BABAM2: variants seen among roughly 807,000 people sequenced by gnomAD.
BABAM2 encodes the protein BRISC and BRCA1 A complex member 2.
In BABAM2, 31 loss-of-function variants were observed where a neutral mutation model predicts 54.7. The observed-to-expected ratio is 0.57, with a 90% CI of 0.43 to 0.77. The LOEUF (loss-of-function observed/expected upper bound fraction) is 0.77, where lower values mean the gene tolerates loss of function less well. Among genes scored for constraint, BABAM2 ranks in the 30% least tolerant of loss-of-function variants. The pLI, the probability that BABAM2 is intolerant of heterozygous loss-of-function variation, is 0.00. For synonymous variants in BABAM2, 167 were observed against 162.9 expected (o/e 1.03, Z -0.19); for missense variants, 364 against 455.8 (o/e 0.80, Z 1.83).
At chr2:28,057,456 A>G (rs1259131632) in intron 6 of BABAM2, among the ~76,000 whole-genome samples, 1 of 152,114 alleles carries the variant, frequency 6.6e-6, no homozygotes, top group African/African-American at 2.4e-5. Flanking sequence ...GCACAGTGAG[A>G]CTAACAGGAA....
intron 11 of BABAM2, chr2:28,308,327 G>C (rs1688743771): frequency 2.2e-6 from 1 of 458,412 alleles, no homozygotes; most frequent in Non-Finnish European, 4.3e-6. Flanking sequence ...GGCTCTGCAG[G>C]CAGCAGAAAT....
chr2:28,229,694 T>A (rs1043544183), intron 7 of BABAM2, among the ~76,000 whole-genome samples: 2 of 151,890 alleles, frequency 1.3e-5, no homozygotes, highest in Admixed American at 1.3e-4. Flanking sequence ...AAGTGATTCT[T>A]CTGCCTCAGC....
intron 3 of BABAM2, among the ~76,000 whole-genome samples, chr2:27,983,396 G>T (rs1672159021): frequency 6.6e-6 from 1 of 152,006 alleles, no homozygotes; most frequent in Non-Finnish European, 1.5e-5. Flanking sequence ...TTTTATAATT[G>T]AGAACGCCTG....
chr2:28,128,434 G>A (rs1669759137), intron 6 of BABAM2, among the ~76,000 whole-genome samples: 1 of 152,174 alleles, frequency 6.6e-6, no homozygotes, highest in South Asian at 2.1e-4. Context: ...GCAGACACTT[G>A]GTGCTTGGCA....
intron 11 of BABAM2, chr2:28,327,276 G>A (rs370258733): frequency 6.2e-7 from 1 of 1,600,316 alleles, no homozygotes; most frequent in African/African-American, 1.3e-5. Context: ...TGCACCAGGG[G>A]ATGCCAAGGG....
chr2:28,000,007 A>G (rs535645725), intron 4 of BABAM2, among the ~76,000 whole-genome samples: 3 of 152,286 alleles, frequency 2.0e-5, no homozygotes, highest in East Asian at 1.9e-4. Context: ...TTTTAGATTT[A>G]TAGAATTGCT....
intron 4 of BABAM2, among the ~76,000 whole-genome samples, chr2:28,016,996 G>A (rs1048988350): frequency 6.6e-6 from 1 of 152,182 alleles, no homozygotes; most frequent in Non-Finnish European, 1.5e-5. Context: ...AGAAGGAGTA[G>A]ACTTGCTCTG....
chr2:28,117,031 T>C (rs1449791357), intron 6 of BABAM2, among the ~76,000 whole-genome samples: 19 of 152,202 alleles, frequency 1.2e-4, no homozygotes, highest in Admixed American at 1.2e-3. Context: ...TTTTCCTTCA[T>C]TGATTGAAGA....
intron 2 of BABAM2, among the ~76,000 whole-genome samples, chr2:27,905,802 G>A (rs1666148693): frequency 6.6e-6 from 1 of 152,170 alleles, no homozygotes; most frequent in South Asian, 2.1e-4. Flanking sequence ...TTTTGATTCT[G>A]AGACAGCCTT....
Position 27,983,778 on chromosome 2 carries a change from G to A in BABAM2, c.206-4215G>A, listed in dbSNP as rs1016671268. Among the ~76,000 whole-genome samples the A allele has an allele frequency of 4.6e-5, 7 of 151,998 alleles. No individual in the cohort carries two copies. The South Asian group carries it at 6.2e-4, about 14-fold the overall frequency. On this transcript the variant is annotated intron_variant, in intron 3 of 11. Transcript: ENST00000379624. ...TCGTTAATTACTGTTGTACAGAAAT[G>A]CGGTTGATTTTTGTACATTTATCTT...
chr2:28,219,282 T>C (rs918501707), intron 7 of BABAM2, among the ~76,000 whole-genome samples: 1 of 152,244 alleles, frequency 6.6e-6, no homozygotes, highest in Non-Finnish European at 1.5e-5. Flanking sequence ...GCTGTCCTTA[T>C]TTGGCTCATA....
At chr2:28,019,812 G>A (rs1199931292) in intron 4 of BABAM2, among the ~76,000 whole-genome samples, 1 of 152,110 alleles carries the variant, frequency 6.6e-6, no homozygotes, top group Non-Finnish European at 1.5e-5. Context: ...GTAAGTATTT[G>A]GCTTTATTTC....
At chr2:28,100,690 G>C (rs1052428134) in intron 6 of BABAM2, among the ~76,000 whole-genome samples, 4 of 152,136 alleles carry the variant, frequency 2.6e-5, no homozygotes, top group African/African-American at 9.7e-5. Context: ...ACCATGACTA[G>C]AAGAGAGAAG....
At position 28,045,899 on chromosome 2, in the gene BABAM2, A is replaced by T. The variant is rs1454764957; in HGVS notation, c.570+100A>T. On this transcript the variant is annotated intron_variant, in intron 6 of 11. Coordinates refer to ENST00000379624, the MANE Select transcript of BABAM2 (RefSeq NM_199191.3). The stretch of plus-strand genomic sequence containing the variant: ...ACTGGTTTGTCAGCATTTTGTTCAG[A>T]TGATGAATTCTATTAAAAATATTTC... The T allele has an allele frequency of 9.6e-6, 9 of 941,738 alleles. No homozygotes were observed. The East Asian group carries it at 2.5e-4, about 26-fold the overall frequency. The allele number at this position is 941,738 out of a possible 1,614,324, so 58.3% of individuals were successfully genotyped here.
At chr2:28,315,302 G>A (rs1246617981) in intron 11 of BABAM2, among the ~76,000 whole-genome samples, 3 of 151,928 alleles carry the variant, frequency 2.0e-5, no homozygotes, top group African/African-American at 4.8e-5. Context: ...AGGATTGTGA[G>A]TGTTAAATGC....
chr2:28,062,576 A>C (rs117291558), intron 6 of BABAM2, among the ~76,000 whole-genome samples: 4,549 of 23,708 alleles, frequency 0.19, 216 homozygotes, highest in Middle Eastern at 0.31. Context: ...AAAAAAAACC[A>C]AAAAAAAAAA....
chr2:28,279,854 T>C (rs1686206050), intron 10 of BABAM2, among the ~76,000 whole-genome samples: 1 of 151,558 alleles, frequency 6.6e-6, no homozygotes, highest in South Asian at 2.1e-4. Context: ...TTAGTAGAGA[T>C]GGGGTTTCTC....
At chr2:28,160,237 C>T (rs1168445822) in intron 7 of BABAM2, among the ~76,000 whole-genome samples, 1 of 152,182 alleles carries the variant, frequency 6.6e-6, no homozygotes, top group Non-Finnish European at 1.5e-5. Context: ...CCACCTCAGT[C>T]TGCCAAAAAC....
At chr2:28,018,108 G>T (rs1288339270) in intron 4 of BABAM2, among the ~76,000 whole-genome samples, 3 of 152,186 alleles carry the variant, frequency 2.0e-5, no homozygotes, top group African/African-American at 7.2e-5. Flanking sequence ...AGTGTACACT[G>T]TGCCCAACGT....
Sources: gnomAD v4.1 joint callset for allele counts (sites outside exome capture counted in the v4.1 genomes callset) on GRCh38, gnomAD v4.1.1 for gene constraint, MANE v1.5 for transcripts, NCBI Gene and HGNC (gene_info 2026-07-23, HGNC 2026-07-21) for gene names.